Variants in BMPR1B observed in about 807,000 individuals in gnomAD.
BMPR1B encodes the protein bone morphogenetic protein receptor type 1B.
A neutral mutation model predicts 59.1 loss-of-function variants in BMPR1B; 12 were observed. That is an observed-to-expected ratio of 0.20 (90% CI 0.13 to 0.33). BMPR1B has a LOEUF of 0.33. Among genes scored for constraint, BMPR1B ranks in the 10% least tolerant of loss-of-function variants. The pLI, the probability that BMPR1B is intolerant of heterozygous loss-of-function variation, is 1.00. For missense variants in BMPR1B, 550 were observed against 610.9 expected (o/e 0.90, Z 1.05); for synonymous variants, 237 against 207.3 (o/e 1.14, Z -1.23).
chr4:94,867,386 A>T (rs1209819309), intron 1 of BMPR1B, among the ~76,000 whole-genome samples: 1 of 152,232 alleles, frequency 6.6e-6, no homozygotes, highest in Non-Finnish European at 1.5e-5. Flanking sequence ...TACCGATAAG[A>T]GGCATCTTTC....
chr4:95,066,139 C>A (rs1160612827), intron 3 of BMPR1B, among the ~76,000 whole-genome samples: 2 of 152,168 alleles, frequency 1.3e-5, no homozygotes, highest in Non-Finnish European at 2.9e-5. Flanking sequence ...ATAAAAGATT[C>A]TCTTGGCAGA....
intron 6 of BMPR1B, among the ~76,000 whole-genome samples, chr4:95,123,359 A>G (rs915517602): frequency 2.1e-4 from 32 of 152,148 alleles, no homozygotes; most frequent in Admixed American, 3.3e-4. Context: ...TTTATATACA[A>G]CGAGTTATGT....
intron 1 of BMPR1B, among the ~76,000 whole-genome samples, chr4:94,861,495 A>C (rs1380368029): frequency 6.6e-6 from 1 of 152,150 alleles, no homozygotes; most frequent in Non-Finnish European, 1.5e-5. Context: ...AGATTCTAGA[A>C]TACCTGTGCT....
chr4:94,827,198 T>C (rs1315961961), intron 1 of BMPR1B, among the ~76,000 whole-genome samples: 5 of 152,118 alleles, frequency 3.3e-5, no homozygotes, highest in African/African-American at 9.7e-5. Flanking sequence ...CACTTCCTTT[T>C]GCAAGTTTAG....
chr4:94,975,386 C>T (rs534054270), intron 2 of BMPR1B, among the ~76,000 whole-genome samples: 38 of 78,268 alleles, frequency 4.9e-4, no homozygotes, highest in Admixed American at 1.8e-3. Flanking sequence ...TTTTTTGAGA[C>T]GGGGTCTCAT....
intron 3 of BMPR1B, among the ~76,000 whole-genome samples, chr4:95,017,347 C>T (rs895585328): frequency 2.0e-5 from 3 of 152,168 alleles, no homozygotes; most frequent in East Asian, 1.9e-4. Flanking sequence ...TGACTTTGAT[C>T]CCATAGCCAC....
intron 3 of BMPR1B, among the ~76,000 whole-genome samples, chr4:95,082,347 T>C (rs1472276929): frequency 6.6e-6 from 1 of 151,978 alleles, no homozygotes. Flanking sequence ...GAGGAATCAC[T>C]GGTTTTAAAA....
chr4:94,937,622 T>A (rs1484649710), intron 2 of BMPR1B, among the ~76,000 whole-genome samples: 1 of 152,192 alleles, frequency 6.6e-6, no homozygotes, highest in Non-Finnish European at 1.5e-5. Context: ...GGGCAAGACT[T>A]AAATACATGA....
intron 1 of BMPR1B, among the ~76,000 whole-genome samples, chr4:94,846,046 A>G (rs1161544690): frequency 6.6e-6 from 1 of 152,336 alleles, no homozygotes; most frequent in East Asian, 1.9e-4. Flanking sequence ...GAATCACATT[A>G]CCTGACTTCA....
intron 1 of BMPR1B, among the ~76,000 whole-genome samples, chr4:94,765,704 G>T (rs537443629): frequency 5.3e-5 from 8 of 152,200 alleles, no homozygotes; most frequent in Admixed American, 3.3e-4. Context: ...GAAAAATTGG[G>T]GTTTGAGGTA....
chr4:95,064,564 T>G (rs1727657244), intron 3 of BMPR1B, among the ~76,000 whole-genome samples: 1 of 152,172 alleles, frequency 6.6e-6, no homozygotes, highest in South Asian at 2.1e-4. Flanking sequence ...GACTGCTGTT[T>G]TAGAGCACGT....
chr4:95,123,375 G>A (rs1252339158), intron 6 of BMPR1B, among the ~76,000 whole-genome samples: 3 of 152,058 alleles, frequency 2.0e-5, no homozygotes, highest in African/African-American at 7.2e-5. Context: ...TATGTTTTAT[G>A]TCCCATGAAT....
rs1186707469 is a variant in BMPR1B, at chr4:95,109,857, C to A, written c.144-4863C>A. 1.2e-4 allele frequency among the ~76,000 whole-genome samples: 14 copies of A among 119,160 alleles called. No individual in the cohort carries two copies. In the Admixed American group the frequency reaches 1.3e-3, roughly 11 times the overall value. 78.2% of individuals were successfully genotyped at this position (119,160 alleles called of 152,430 possible). Reference sequence around the variant, plus strand: ...GTGTATCTCCTAATGCTATCCCTCCCCCCTCCCCCCACCCCACAACAGTCC... The same window carrying A: ...GTGTATCTCCTAATGCTATCCCTCCACCCTCCCCCCACCCCACAACAGTCC... On this transcript the variant is annotated intron_variant, in intron 4 of 12. Coordinates refer to ENST00000515059, the MANE Select transcript of BMPR1B (RefSeq NM_001203.3).
intron 1 of BMPR1B, among the ~76,000 whole-genome samples, chr4:94,778,624 A>G (rs1159383963): frequency 6.6e-6 from 1 of 152,206 alleles, no homozygotes; most frequent in African/African-American, 2.4e-5. Context: ...AAAGTAGTCC[A>G]CATTCCCACC....
At chr4:95,081,551 AT>A (rs997769891) in intron 3 of BMPR1B, among the ~76,000 whole-genome samples, 39 of 151,526 alleles carry the variant, frequency 2.6e-4, no homozygotes, top group African/African-American at 8.7e-4. Flanking sequence ...TGGACCAAAC[AT>A]TTTTTTTTCC....
chr4:94,897,948 T>TCC (rs1409107841), intron 2 of BMPR1B, among the ~76,000 whole-genome samples: 5 of 140,566 alleles, frequency 3.6e-5, no homozygotes, highest in Non-Finnish European at 7.7e-5. Context: ...TTCCTTTTTT[T>TCC]TTTTTTTTTT....
At chr4:94,855,114 C>T (rs955236432) in intron 1 of BMPR1B, among the ~76,000 whole-genome samples, 2 of 152,088 alleles carry the variant, frequency 1.3e-5, no homozygotes, top group Admixed American at 6.6e-5. Context: ...ATCCTTTAGT[C>T]TTCTTTAAAG....
chr4:95,051,617 G>A, intron 3 of BMPR1B: 2 of 1,290,162 alleles, frequency 1.6e-6, no homozygotes, highest in Non-Finnish European at 1.1e-6. Flanking sequence ...AAGAGTGGCA[G>A]CAGAGGCGTC....
At chr4:94,779,139 T>A (rs966552392) in intron 1 of BMPR1B, among the ~76,000 whole-genome samples, 1 of 152,172 alleles carries the variant, frequency 6.6e-6, no homozygotes, top group African/African-American at 2.4e-5. Flanking sequence ...TCTTAATCTA[T>A]ATGTAATTGA....
Sources: gnomAD v4.1 joint callset for allele counts (sites outside exome capture counted in the v4.1 genomes callset) on GRCh38, gnomAD v4.1.1 for gene constraint, MANE v1.5 for transcripts, NCBI Gene and HGNC (gene_info 2026-07-23, HGNC 2026-07-21) for gene names.